CD52: variants seen among roughly 807,000 people sequenced by gnomAD.
CD52 encodes the protein CAMPATH-1 antigen.
In CD52, 2 loss-of-function variants were observed where a neutral mutation model predicts 2.5. The ratio of observed to expected loss-of-function variants is 0.79; its 90% CI spans 0.32 to 2.48. CD52 has a LOEUF of 2.48. Among genes scored for constraint, CD52 ranks in the 30% most tolerant of loss-of-function variants. The pLI is 0.11. For synonymous variants in CD52, 24 were observed against 27.7 expected, an observed-to-expected ratio of 0.87 and a Z score of 0.42; for missense variants, 62 against 75.8, an observed-to-expected ratio of 0.82 and a Z score of 0.68.
rs113565235 is a variant in CD52, at chr1:26,320,045, G to A, written c.55-126G>A. 3,705 of 1,155,902 alleles carry A rather than the reference G, an allele frequency of 3.2e-3. 89 individuals are homozygous for A. In the African/African-American group the frequency reaches 0.051, roughly 16 times the overall value. 71.6% of individuals were successfully genotyped at this position (1,155,902 alleles called of 1,614,324 possible). ...TGAGGCAGGAGAATCACTTGAACCC[G>A]GGAGGTGGAGGATGCAGTGAGCCGA... is the stretch of plus-strand genomic sequence containing the variant. On this transcript the variant is annotated intron_variant, in intron 1 of 1. Transcript: ENST00000374213.
rs767589898 is a variant in CD52 at position 26,320,226 on chromosome 1, C to G, written c.110C>G (p.Ala37Gly). The G allele has an allele frequency of 1.7e-5, 28 of 1,613,924 alleles. No homozygotes were observed. Among genetic ancestry groups the G allele is most frequent in the Non-Finnish European group, 2.3e-5 (27 of 1,179,940 alleles). ...ACCAGCCAAACCAGCAGCCCCTCAG[C>G]ATCCAGCAACATAAGCGGAGGCATT... The part of the protein sequence containing the change: ...NDTSQTSSPS[A>G]SSNISGGIFL... Residue 37 changes from alanine (A) to glycine (G), a missense_variant, in exon 2 of 2, where the codon GCA becomes GGA. Transcript: ENST00000374213.
intron 1 of CD52, 92 bp from the exon 2 acceptor site, chr1:26,320,079 C>A: frequency 6.9e-7 from 1 of 1,458,968 alleles, no homozygotes; most frequent in Non-Finnish European, 9.2e-7. Flanking sequence ...GAGATCGCAT[C>A]ACTGCAGTCC....
chr1:26,319,311 C>T (rs1175531850), intron 1 of CD52, among the ~76,000 whole-genome samples: 1 of 151,860 alleles, frequency 6.6e-6, no homozygotes. Flanking sequence ...AGAAATTAGC[C>T]GGGCGTGGCG....
In CD52 at chr1:26,320,291, T is replaced by G. The variant is rs759479775; in HGVS notation, c.175T>G (p.Cys59Gly). ...GGCCAATGCCATAATCCACCTCTTC[T>G]GCTTCAGTTGAGGTGACACGTCTCA... ...FVANAIIHLF[C>G]FS Residue 59 changes from cysteine to glycine, a missense_variant, in exon 2 of 2, where the codon TGC becomes GGC. By Grantham distance (159) the Cys-to-Gly change is radical. Transcript: ENST00000374213. The G allele has an allele frequency of 1.2e-6, 2 of 1,612,252 alleles. No homozygotes were observed. Among genetic ancestry groups the G allele is most frequent in the East Asian group, 4.5e-5 (2 of 44,874 alleles).
Position 26,320,264 on chromosome 1 carries a change from G to C in CD52, c.148G>C (p.Val50Leu), listed in dbSNP as rs377097614. 1 of 1,613,604 alleles carries C rather than the reference G, an allele frequency of 6.2e-7. No individual in the cohort carries two copies. Among genetic ancestry groups the C allele is most frequent in the Non-Finnish European group, 8.5e-7 (1 of 1,179,874 alleles). ...AAGCGGAGGCATTTTCCTTTTCTTC[G>C]TGGCCAATGCCATAATCCACCTCTT... ...NISGGIFLFF[V>L]ANAIIHLFCF... The change falls in exon 2 of 2, where the codon GTG becomes CTG. Residue 50 changes from valine to leucine, a missense_variant. Transcript: ENST00000374213.
intron 1 of CD52, chr1:26,319,136 C>T (rs1234426433): frequency 6.6e-6 from 1 of 152,166 alleles, no homozygotes; most frequent in African/African-American, 2.4e-5. Context: ...TGACAAAATC[C>T]CGTCTCTACT....
In CD52 at chr1:26,318,082, C is replaced by T. The variant is rs369827727; in HGVS notation, c.54+11C>T. 47 of 1,613,010 alleles carry T rather than the reference C, an allele frequency of 2.9e-5. No individual in the cohort carries two copies. The African/African-American group carries it at 3.2e-4, about 11-fold the overall frequency. On this transcript the variant is annotated intron_variant, in intron 1 of 1. Coordinates refer to ENST00000374213, the MANE Select transcript of CD52 (RefSeq NM_001803.3). ...CTGGTTATGGTACAGGTAAGAGCAACGCCTGGCACCACTGCCAGGACTCCC... is the reference window on the plus strand; with the variant it reads ...CTGGTTATGGTACAGGTAAGAGCAATGCCTGGCACCACTGCCAGGACTCCC...
At chr1:26,318,109 A>T in intron 1 of CD52, 38 bp downstream of exon 1, 1 of 1,589,326 alleles carries the variant, frequency 6.3e-7, no homozygotes, top group Non-Finnish European at 8.6e-7. Context: ...AGGACTCCCC[A>T]AAGTTGCTTG....
At chr1:26,319,284 C>A (rs1274669625) in intron 1 of CD52, among the ~76,000 whole-genome samples, 1 of 152,054 alleles carries the variant, frequency 6.6e-6, no homozygotes, top group African/African-American at 2.4e-5. Context: ...AACCTCGTCT[C>A]TACCATAAAT....
chr1:26,319,170 G>A (rs1362416015), intron 1 of CD52, among the ~76,000 whole-genome samples: 2 of 152,100 alleles, frequency 1.3e-5, no homozygotes, highest in South Asian at 2.1e-4. Flanking sequence ...TTAGCTGGGC[G>A]AGCCGGGCGC....
Position 26,320,302 on chromosome 1 carries a change from A to T in CD52, c.186A>T (p.Ter62CysextTer7). 6.2e-7 allele frequency: 1 copy of T among 1,611,160 alleles called. No homozygotes were observed. The highest frequency in any genetic ancestry group is 8.5e-7 in the Non-Finnish European group (1 of 1,179,014). The change falls in exon 2 of 2, where the codon TGA (stop) becomes TGT (cysteine). Residue 62 changes from the stop codon to cysteine (C), a stop_lost. Transcript: ENST00000374213. The part of the protein sequence containing the change: ...NAIIHLFCFS[*>C] ...TAATCCACCTCTTCTGCTTCAGTTG[A>T]GGTGACACGTCTCAGCCTTAGCCCT...
rs771867417 is a variant in CD52 at position 26,318,076 on chromosome 1, G to A, written c.54+5G>A. 1.2e-6 allele frequency: 2 copies of A among 1,613,882 alleles called. No individual in the cohort carries two copies. The highest frequency in any genetic ancestry group is 2.2e-5 in the South Asian group (2 of 91,072). The stretch of plus-strand genomic sequence containing the variant: ...AGCCTCCTGGTTATGGTACAGGTAA[G>A]AGCAACGCCTGGCACCACTGCCAGG... On this transcript the variant is annotated splice_donor_5th_base_variant and intron_variant, in intron 1 of 1. Transcript: ENST00000374213.
chr1:26,318,272 G>C lies in CD52; in HGVS notation c.54+201G>C. ...TTCTGGCTGGGGCTGCACTGCTTGCGGGCTGCCCTGAGAGAAACCTGTATC... is the reference window on the plus strand; with the variant it reads ...TTCTGGCTGGGGCTGCACTGCTTGCCGGCTGCCCTGAGAGAAACCTGTATC... On this transcript the variant is annotated intron_variant, in intron 1 of 1. Transcript: ENST00000374213. 5.2e-6 allele frequency: 3 copies of C among 574,440 alleles called. No homozygotes were observed. In the South Asian group the frequency reaches 6.4e-5, roughly 12 times the overall value. 35.6% of individuals were successfully genotyped at this position (574,440 alleles called of 1,614,324 possible).
intron 1 of CD52, among the ~76,000 whole-genome samples, chr1:26,319,779 G>T (rs1364956657): frequency 6.6e-6 from 1 of 151,932 alleles, no homozygotes; most frequent in East Asian, 1.9e-4. Context: ...TGGAGGGCGG[G>T]GAGGGTAGAA....
intron 1 of CD52, 125 bp from the exon 2 acceptor site, chr1:26,320,046 G>A: frequency 8.6e-7 from 1 of 1,165,974 alleles, no homozygotes; most frequent in Non-Finnish European, 1.2e-6. Context: ...CTTGAACCCG[G>A]GAGGTGGAGG....
chr1:26,320,083 G>A (rs112252579), intron 1 of CD52, 88 bp from the exon 2 acceptor site: 173,501 of 1,479,890 alleles, frequency 0.12, 11,223 homozygotes, highest in African/African-American at 0.21. Context: ...TCGCATCACT[G>A]CAGTCCAGCC....
intron 1 of CD52, among the ~76,000 whole-genome samples, chr1:26,319,247 TC>T (rs1363407361): frequency 6.6e-6 from 1 of 151,388 alleles, no homozygotes; most frequent in Admixed American, 6.6e-5. Context: ...GGTCAGGAGA[TC>T]GAGACCATCC....
In CD52 at chr1:26,320,020, T is replaced by C. The variant is rs1374267758; in HGVS notation, c.55-151T>C. The C allele has an allele frequency of 4.4e-6, 4 of 918,604 alleles. No homozygotes were observed. The East Asian group carries it at 1.1e-4, about 26-fold the overall frequency. 56.9% of individuals were successfully genotyped at this position (918,604 alleles called of 1,614,324 possible). A position where few individuals can be genotyped will look rare whatever the true frequency, so the allele number is the denominator to read the frequency against. On this transcript the variant is annotated intron_variant, in intron 1 of 1. Transcript: ENST00000374213. Reference sequence around the variant, plus strand: ...CTATAGTCCCAGCTACTCAGGAGGCTGAGGCAGGAGAATCACTTGAACCCG... The same window carrying C: ...CTATAGTCCCAGCTACTCAGGAGGCCGAGGCAGGAGAATCACTTGAACCCG...
chr1:26,320,131 AAAAAAG>A, intron 1 of CD52, 34 bp from the exon 2 acceptor site: 1 of 1,583,378 alleles, frequency 6.3e-7, no homozygotes, highest in Non-Finnish European at 8.5e-7. Context: ...AAAAAAAAAA[AAAAAAG>A]TCCCCTGATC....
Sources: gnomAD v4.1 joint callset for allele counts (sites outside exome capture counted in the v4.1 genomes callset) on GRCh38, gnomAD v4.1.1 for gene constraint, MANE v1.5 for transcripts, NCBI Gene and HGNC (gene_info 2026-07-23, HGNC 2026-07-21) for gene names.